The following ALK variants were observed in gnomAD, a reference collection of about 807,000 sequenced individuals.
ALK encodes the protein ALK receptor tyrosine kinase, also known as ALK tyrosine kinase receptor.
Under a neutral mutation model 163.1 loss-of-function variants are expected in ALK, and 74 were observed. The observed-to-expected ratio is 0.45, with a 90% CI of 0.38 to 0.55. The LOEUF (loss-of-function observed/expected upper bound fraction) is 0.55, where lower values mean the gene tolerates loss of function less well. Ranked by LOEUF, ALK falls within the 20% of genes least tolerant of loss-of-function variation. The pLI, the probability that ALK is intolerant of heterozygous loss-of-function variation, is 0.00. For synonymous variants in ALK, 960 were observed against 843.2 expected (o/e 1.14, Z -2.40); for missense variants, 2,063 against 2,105.3 (o/e 0.98, Z 0.39).
chr2:29,559,797 G>GTGTGTGTGTGTGTGTGTT (rs1437698276), intron 3 of ALK, among the ~76,000 whole-genome samples: 4 of 148,090 alleles, frequency 2.7e-5, no homozygotes, highest in African/African-American at 9.8e-5. Context: ...GTGTGTGTGT[G>GTGTGTGTGTGTGTGTGTT]TGTGTATTAG....
At chr2:29,795,491 A>C (rs998601542) in intron 1 of ALK, among the ~76,000 whole-genome samples, 1 of 152,170 alleles carries the variant, frequency 6.6e-6, no homozygotes, top group East Asian at 1.9e-4. Flanking sequence ...CAAGAAAATT[A>C]CCTGTTATAC....
chr2:29,406,793 G>A (rs536293892), intron 4 of ALK, among the ~76,000 whole-genome samples: 4 of 151,886 alleles, frequency 2.6e-5, no homozygotes, highest in South Asian at 2.1e-4. Flanking sequence ...CCGCTACTTC[G>A]GAGGCTGAGG....
At chr2:29,638,350 A>G (rs1272991302) in intron 3 of ALK, among the ~76,000 whole-genome samples, 1 of 152,186 alleles carries the variant, frequency 6.6e-6, no homozygotes, top group Non-Finnish European at 1.5e-5. Flanking sequence ...TGACTAGTAT[A>G]CACCTTCCAA....
At chr2:29,648,332 T>C (rs1676944325) in intron 3 of ALK, among the ~76,000 whole-genome samples, 1 of 152,166 alleles carries the variant, frequency 6.6e-6, no homozygotes. Flanking sequence ...TTTTAAAAAA[T>C]TGTGGTGAAA....
At chr2:29,749,399 A>G (rs1680292046) in intron 1 of ALK, among the ~76,000 whole-genome samples, 3 of 152,210 alleles carry the variant, frequency 2.0e-5, no homozygotes, top group Admixed American at 2.0e-4. Flanking sequence ...TGTCTTTTAC[A>G]AACAGCACTT....
intron 5 of ALK, among the ~76,000 whole-genome samples, chr2:29,346,022 T>G (rs1667938520): frequency 6.6e-6 from 1 of 152,238 alleles, no homozygotes; most frequent in Admixed American, 6.5e-5. Flanking sequence ...TTTCTGAATT[T>G]CTGTGTCCTA....
At chr2:29,518,261 T>C (rs1351975730) in intron 4 of ALK, among the ~76,000 whole-genome samples, 2 of 152,176 alleles carry the variant, frequency 1.3e-5, no homozygotes, top group East Asian at 1.9e-4. Context: ...ATTTACTCAG[T>C]ATAAAAATGT....
At chr2:29,214,138 A>T (rs2148159751) in intron 23 of ALK, 57 bp from the exon 24 acceptor site, 1 of 1,467,958 alleles carries the variant, frequency 6.8e-7, no homozygotes, top group Non-Finnish European at 9.5e-7. Flanking sequence ...GAGGAGGGAA[A>T]TCTGAAATGC....
chr2:29,702,418 G>T (rs934222272), intron 2 of ALK, among the ~76,000 whole-genome samples: 3 of 152,148 alleles, frequency 2.0e-5, no homozygotes, highest in African/African-American at 7.2e-5. Context: ...TATCTTGAAG[G>T]TTCTGATATG....
intron 3 of ALK, among the ~76,000 whole-genome samples, chr2:29,632,095 A>G (rs1465790690): frequency 6.6e-6 from 1 of 152,214 alleles, no homozygotes; most frequent in African/African-American, 2.4e-5. Context: ...GGGTTGGGTC[A>G]TGTAGAAAGT....
chr2:29,483,762 T>TA (rs1671719201), intron 4 of ALK, among the ~76,000 whole-genome samples: 1 of 152,242 alleles, frequency 6.6e-6, no homozygotes, highest in South Asian at 2.1e-4. Flanking sequence ...TCTTAGATCT[T>TA]ATGCTTATTG....
chr2:29,324,592 C>T (rs995661240), intron 6 of ALK, among the ~76,000 whole-genome samples: 8 of 152,190 alleles, frequency 5.3e-5, no homozygotes, highest in African/African-American at 1.7e-4. Context: ...ATGAGATTAT[C>T]AAGTCCATGG....
intron 4 of ALK, among the ~76,000 whole-genome samples, chr2:29,462,547 T>A (rs1339708168): frequency 1.3e-5 from 2 of 152,188 alleles, no homozygotes; most frequent in African/African-American, 4.8e-5. Context: ...GTTAGCATAT[T>A]TTAGCAATAA....
chr2:29,914,417 A>G (rs1367336639), intron 1 of ALK, among the ~76,000 whole-genome samples: 2 of 152,240 alleles, frequency 1.3e-5, no homozygotes, highest in Admixed American at 1.3e-4. Flanking sequence ...CCATTCAGAC[A>G]GACTAAAATG....
At chr2:29,793,728 T>C (rs1664241791) in intron 1 of ALK, among the ~76,000 whole-genome samples, 2 of 152,228 alleles carry the variant, frequency 1.3e-5, no homozygotes, top group African/African-American at 4.8e-5. Context: ...GGAATCATTT[T>C]TTCTGAGCAG....
intron 4 of ALK, among the ~76,000 whole-genome samples, chr2:29,390,541 C>T (rs866721092): frequency 8.7e-5 from 13 of 149,848 alleles, no homozygotes; most frequent in African/African-American, 2.7e-4. Flanking sequence ...AGAACTGAGC[C>T]TGTGGGAGTT....
At chr2:29,908,066 C>A (rs550072208) in intron 1 of ALK, among the ~76,000 whole-genome samples, 2 of 152,276 alleles carry the variant, frequency 1.3e-5, no homozygotes, top group South Asian at 4.1e-4. Flanking sequence ...CTCTCTACAT[C>A]CAGGCCTGAG....
intron 1 of ALK, among the ~76,000 whole-genome samples, chr2:29,762,997 G>A (rs1165573929): frequency 6.7e-6 from 1 of 149,744 alleles, no homozygotes; most frequent in East Asian, 2.0e-4. Context: ...TGAGGCAGGA[G>A]AATCGCTTGA....
intron 1 of ALK, among the ~76,000 whole-genome samples, chr2:29,776,184 T>C (rs1396481818): frequency 3.5e-5 from 5 of 143,306 alleles, no homozygotes; most frequent in Non-Finnish European, 7.4e-5. Context: ...AACCCTAATA[T>C]GGAACTGTAA....
Sources: gnomAD v4.1 joint callset for allele counts (sites outside exome capture counted in the v4.1 genomes callset) on GRCh38, gnomAD v4.1.1 for gene constraint, MANE v1.5 for transcripts, NCBI Gene and HGNC (gene_info 2026-07-23, HGNC 2026-07-21) for gene names.